Variants in ARL15 observed in about 807,000 individuals in gnomAD.
ARL15 encodes ARF like GTPase 15.
In ARL15, 19 loss-of-function variants were observed where a neutral mutation model predicts 25.2. The ratio of observed to expected loss-of-function variants is 0.75; its 90% CI spans 0.53 to 1.10. The LOEUF (loss-of-function observed/expected upper bound fraction) is 1.10. ARL15 is among the 50% of genes least tolerant of loss of function. The pLI is 0.00. For synonymous variants in ARL15, 94 were observed against 86.8 expected, an observed-to-expected ratio of 1.08 and a Z score of -0.46; for missense variants, 220 against 246.0, an observed-to-expected ratio of 0.89 and a Z score of 0.71.
chr5:54,207,291 CT>C (rs1561266814), intron 1 of ARL15, among the ~76,000 whole-genome samples: 1 of 152,202 alleles, frequency 6.6e-6, no homozygotes, highest in Non-Finnish European at 1.5e-5. Flanking sequence ...CCAAACTGCA[CT>C]TAAAACTCCT....
intron 4 of ARL15, among the ~76,000 whole-genome samples, chr5:54,112,816 A>G (rs1485206042): frequency 6.6e-6 from 1 of 152,200 alleles, no homozygotes; most frequent in Admixed American, 6.5e-5. Flanking sequence ...GAACAAGAAC[A>G]TGACACCTGA....
intron 4 of ARL15, among the ~76,000 whole-genome samples, chr5:54,011,437 TTTG>T (rs1160026210): frequency 1.3e-5 from 2 of 152,316 alleles, no homozygotes; most frequent in African/African-American, 2.4e-5. Flanking sequence ...TTGTTGTTGT[TTTG>T]TTTTTTGTTT....
chr5:54,246,797 T>C (rs7704849), intron 1 of ARL15, among the ~76,000 whole-genome samples: 31 of 139,060 alleles, frequency 2.2e-4, no homozygotes, highest in Middle Eastern at 3.6e-3. Flanking sequence ...AAAGCATGCA[T>C]ACACACACAC....
intron 4 of ARL15, among the ~76,000 whole-genome samples, chr5:54,058,089 T>G (rs1232421978): frequency 6.6e-6 from 1 of 151,276 alleles, no homozygotes; most frequent in African/African-American, 2.4e-5. Flanking sequence ...CACTGCAACC[T>G]CCGCCTCCGA....
chr5:54,106,371 G>A (rs1215371556), intron 4 of ARL15, among the ~76,000 whole-genome samples: 4 of 152,106 alleles, frequency 2.6e-5, no homozygotes, highest in Non-Finnish European at 4.4e-5. Context: ...ATGGTATGAA[G>A]GCAGTAAGAA....
At chr5:53,984,719 T>C in intron 4 of ARL15, among the ~76,000 whole-genome samples, 1 of 152,190 alleles carries the variant, frequency 6.6e-6, no homozygotes, top group South Asian at 2.1e-4. Flanking sequence ...TTTCCCCTTG[T>C]GTTAATTTAT....
chr5:54,018,082 T>G (rs746141428), intron 4 of ARL15, among the ~76,000 whole-genome samples: 1 of 152,172 alleles, frequency 6.6e-6, no homozygotes, highest in Non-Finnish European at 1.5e-5. Context: ...ACATTCCACA[T>G]GTTCATCATA....
intron 1 of ARL15, among the ~76,000 whole-genome samples, chr5:54,215,345 C>T (rs1019256194): frequency 1.3e-5 from 2 of 151,932 alleles, no homozygotes; most frequent in Admixed American, 1.3e-4. Context: ...ATCTGACAAA[C>T]GCTAATTTGA....
At chr5:53,932,355 C>T (rs954932268) in intron 4 of ARL15, among the ~76,000 whole-genome samples, 3 of 152,124 alleles carry the variant, frequency 2.0e-5, no homozygotes, top group South Asian at 4.1e-4. Flanking sequence ...CAAACGGAAC[C>T]GAGCAACGCC....
intron 1 of ARL15, among the ~76,000 whole-genome samples, chr5:54,275,523 T>C (rs1757905225): frequency 2.6e-5 from 4 of 151,902 alleles, no homozygotes; most frequent in Admixed American, 2.6e-4. Context: ...TAAACAAACA[T>C]ACGGGAGTGG....
At chr5:54,132,624 T>A (rs897528042) in intron 3 of ARL15, among the ~76,000 whole-genome samples, 2 of 152,126 alleles carry the variant, frequency 1.3e-5, no homozygotes, top group African/African-American at 4.8e-5. Context: ...GATAAAAGAA[T>A]GGCTACTCCA....
Position 53,886,685 on chromosome 5 carries a change from A to C in ARL15, c.491T>G (p.Leu164Arg), listed in dbSNP as rs372416141. 6.4e-7 allele frequency: 1 copy of C among 1,566,428 alleles called. No individual in the cohort carries two copies. The highest frequency in any genetic ancestry group is 1.4e-5 in the African/African-American group (1 of 73,624). ...EIKKYFELEP[L>R]ARGKRWILQP... ...TAGAATCCAGCGTTTTCCACGTGCA[A>C]GTGGTTCAAGTTCAAAATATTTTTT... Residue 164 changes from leucine to arginine, a missense_variant, in exon 5 of 5, where the codon CTT (leucine) becomes CGT (arginine). Coordinates refer to ENST00000504924, the MANE Select transcript of ARL15 (RefSeq NM_019087.3).
At chr5:54,296,693 G>A (rs564388022) in intron 1 of ARL15, among the ~76,000 whole-genome samples, 2 of 152,234 alleles carry the variant, frequency 1.3e-5, no homozygotes, top group Non-Finnish European at 2.9e-5. Flanking sequence ...ATGGGGATCT[G>A]GGCAAGCCAA....
At chr5:53,981,713 T>G (rs1482089633) in intron 4 of ARL15, among the ~76,000 whole-genome samples, 1 of 151,928 alleles carries the variant, frequency 6.6e-6, no homozygotes, top group South Asian at 2.1e-4. Flanking sequence ...CTGACCAACA[T>G]GGAGAAACCC....
At chr5:53,980,524 C>T (rs1748085433) in intron 4 of ARL15, among the ~76,000 whole-genome samples, 1 of 152,164 alleles carries the variant, frequency 6.6e-6, no homozygotes, top group African/African-American at 2.4e-5. Flanking sequence ...TCAGAAGACA[C>T]TAATCGTTAA....
intron 1 of ARL15, among the ~76,000 whole-genome samples, chr5:54,243,039 C>T (rs1756998980): frequency 6.6e-6 from 1 of 152,134 alleles, no homozygotes; most frequent in Non-Finnish European, 1.5e-5. Context: ...GTAAACATTG[C>T]TACAACAATT....
chr5:54,020,545 C>T (rs1247642871), intron 4 of ARL15, among the ~76,000 whole-genome samples: 1 of 152,170 alleles, frequency 6.6e-6, no homozygotes, highest in Non-Finnish European at 1.5e-5. Flanking sequence ...ATCTACTAGA[C>T]AGAAGGTCTC....
intron 4 of ARL15, among the ~76,000 whole-genome samples, chr5:53,916,706 A>G (rs1476408755): frequency 6.6e-6 from 1 of 152,172 alleles, no homozygotes; most frequent in Non-Finnish European, 1.5e-5. Flanking sequence ...TCTTGTATGA[A>G]ACAAGAAAAA....
At chr5:54,308,584 T>C (rs1758818604) in intron 1 of ARL15, among the ~76,000 whole-genome samples, 1 of 152,230 alleles carries the variant, frequency 6.6e-6, no homozygotes, top group Admixed American at 6.5e-5. Flanking sequence ...ATTTGTGACC[T>C]GTTGATTTTG....
Sources: allele counts gnomAD v4.1 joint callset (sites outside exome capture counted in the v4.1 genomes callset), GRCh38; gene constraint gnomAD v4.1.1; transcripts MANE v1.5; gene names NCBI Gene and HGNC (gene_info 2026-07-23, HGNC 2026-07-21).